The following AHDC1 variants were observed in gnomAD, a reference collection of about 807,000 sequenced individuals.
AHDC1 encodes the protein AT-hook DNA binding motif containing 1, also known as transcription factor Gibbin.
In AHDC1, 7 loss-of-function variants were observed where a neutral mutation model predicts 87.9. That is an observed-to-expected ratio of 0.08 (90% confidence interval 0.05 to 0.15). The LOEUF is 0.15. Among genes scored for constraint, AHDC1 ranks in the 10% least tolerant of loss-of-function variants. AHDC1 has a pLI of 1.00. For missense variants in AHDC1, 1,841 were observed against 2,253.2 expected (o/e 0.82, Z 3.70); for synonymous variants, 1,051 against 1,006.8 (o/e 1.04, Z -0.83).
At chr1:27,552,416 T>TC in intron 7 of AHDC1, 1 of 326,578 alleles carries the variant, frequency 3.1e-6, no homozygotes, top group South Asian at 1.5e-4. Context: ...TTTTTTTTTT[T>TC]GGAAGAGAGT....
At chr1:27,553,806 C>G (rs1362059585) in intron 5 of AHDC1, among the ~76,000 whole-genome samples, 4 of 152,218 alleles carry the variant, frequency 2.6e-5, no homozygotes, top group Admixed American at 6.5e-5. Flanking sequence ...GGGCTCACAC[C>G]TGTAATCCCA....
rs1441682222 is a variant in AHDC1, at chr1:27,562,371, T to C, written c.-628-3488A>G. On this transcript the variant is annotated intron_variant, in intron 3 of 8. Transcript: ENST00000673934. The surrounding 1 kb of genome is among the most constrained non-coding windows in gnomAD (Gnocchi z 4.4). The stretch of plus-strand genomic sequence containing the variant: ...CCTGAGCTCCCGGCCCGCGCAGAGC[T>C]GCCCCGATTAATCCTGTGGCTCCAG... 6.6e-6 allele frequency among the ~76,000 whole-genome samples: 1 copy of C among 152,146 alleles called. No homozygotes were observed.
At chr1:27,581,227 C>A (rs2088899106) in intron 3 of AHDC1, among the ~76,000 whole-genome samples, 1 of 151,836 alleles carries the variant, frequency 6.6e-6, no homozygotes, top group African/African-American at 2.4e-5. Context: ...CCTCCTGGGC[C>A]CAAGCAATCC....
At chr1:27,535,688 C>T (rs947297717) in intron 8 of AHDC1, among the ~76,000 whole-genome samples, 2 of 152,308 alleles carry the variant, frequency 1.3e-5, no homozygotes. Context: ...ACAATGCCAT[C>T]TGTGTTTGGC....
In AHDC1 at chr1:27,595,813, G is replaced by A. The variant is rs2089354790; in HGVS notation, c.-629+7584C>T. 6.6e-6 allele frequency among the ~76,000 whole-genome samples: 1 copy of A among 151,902 alleles called. No homozygotes were observed. Among genetic ancestry groups the A allele is most frequent in the Admixed American group, 6.6e-5 (1 of 15,262 alleles). On this transcript the variant is annotated intron_variant, in intron 3 of 8. Transcript: ENST00000673934. The surrounding 1 kb of genome is among the most constrained non-coding windows in gnomAD (Gnocchi z 4.0). ...TTCCTGGTGTCAGGGAGGTGTTGCA[G>A]GTTGTGGGTAAGCATGTGGTGGTTG...
At position 27,595,301 on chromosome 1, in the gene AHDC1, G is replaced by A. The variant is rs1186223394; in HGVS notation, c.-629+8096C>T. On this transcript the variant is annotated intron_variant, in intron 3 of 8. Coordinates refer to ENST00000673934, the MANE Select transcript of AHDC1 (RefSeq NM_001371928.1). This position sits in a 1 kb window ranked among gnomAD's most constrained non-coding sequence, Gnocchi z 4.0. The stretch of plus-strand genomic sequence containing the variant: ...GAGCTATAGCTGGGAGAAACGTTGG[G>A]GGCTGTGGGCAGAGTGTGTGTGTCT... Among the ~76,000 whole-genome samples the A allele has an allele frequency of 6.6e-6, 1 of 151,950 alleles. No individual in the cohort carries two copies. The highest frequency in any genetic ancestry group is 2.1e-4 in the South Asian group (1 of 4,822).
intron 8 of AHDC1, among the ~76,000 whole-genome samples, chr1:27,541,790 C>T (rs543577088): frequency 6.6e-5 from 10 of 150,914 alleles, no homozygotes; most frequent in South Asian, 4.2e-4. Context: ...CCATCATGCC[C>T]GGCTAATTTT....
intron 3 of AHDC1, among the ~76,000 whole-genome samples, chr1:27,566,294 G>GGGAGGGGGCGAGAGCC (rs1553162200): frequency 6.6e-6 from 1 of 152,138 alleles, no homozygotes. Flanking sequence ...AAGATCTGGA[G>GGGAGGGGGCGAGAGCC]GGAGGGGGCG....
At chr1:27,572,667 A>C (rs1176122927) in intron 3 of AHDC1, among the ~76,000 whole-genome samples, 1 of 152,166 alleles carries the variant, frequency 6.6e-6, no homozygotes, top group Admixed American at 6.5e-5. Flanking sequence ...TGCAGGCAAA[A>C]CCACGCAGTG....
intron 5 of AHDC1, among the ~76,000 whole-genome samples, chr1:27,554,054 G>A (rs2019694511): frequency 6.6e-6 from 1 of 152,182 alleles, no homozygotes; most frequent in South Asian, 2.1e-4. Flanking sequence ...GGGCAGCAGA[G>A]TGAGATCCTT....
At position 27,581,712 on chromosome 1, in the gene AHDC1, A is replaced by C. The variant is rs193118623; in HGVS notation, c.-629+21685T>G. Among the ~76,000 whole-genome samples the C allele has an allele frequency of 2.2e-3, 332 of 152,222 alleles. 3 individuals carry two copies. The highest frequency in any genetic ancestry group is 2.9e-3 in the South Asian group (14 of 4,810). ...GCTAGCTACATCTTCCTCAAATCCC[A>C]TTCTCATGACTCTGCGTGTCTGCCC... On this transcript the variant is annotated intron_variant, in intron 3 of 8. Transcript: ENST00000673934.
At chr1:27,552,832 AG>A (rs1285683667) in intron 7 of AHDC1, 59 bp downstream of exon 7, 4 of 152,718 alleles carry the variant, frequency 2.6e-5, no homozygotes, top group Admixed American at 2.6e-4. Flanking sequence ...AGTTCTAACA[AG>A]GGCACGGCCT....
chr1:27,569,818 C>A (rs572248199), intron 3 of AHDC1, among the ~76,000 whole-genome samples: 1 of 152,202 alleles, frequency 6.6e-6, no homozygotes, highest in Non-Finnish European at 1.5e-5. Context: ...ACCCGACAGG[C>A]CTGGACCCTC....
At chr1:27,543,186 T>A (rs1225969707) in intron 8 of AHDC1, among the ~76,000 whole-genome samples, 1 of 152,204 alleles carries the variant, frequency 6.6e-6, no homozygotes, top group Non-Finnish European at 1.5e-5. Context: ...AGGTCAGGCC[T>A]GAGAGGGAGT....
At chr1:27,601,389 G>A (rs1471065206) in intron 3 of AHDC1, among the ~76,000 whole-genome samples, 1 of 152,216 alleles carries the variant, frequency 6.6e-6, no homozygotes, top group African/African-American at 2.4e-5. Flanking sequence ...GGCAATGCCT[G>A]CCCACCTGGG....
intron 3 of AHDC1, among the ~76,000 whole-genome samples, chr1:27,569,022 G>C (rs959073023): frequency 1.3e-5 from 2 of 151,916 alleles, no homozygotes; most frequent in Admixed American, 1.3e-4. Flanking sequence ...CGTAAGAAGA[G>C]CCCTGCCCTG....
At chr1:27,588,604 G>A (rs1336281833) in intron 3 of AHDC1, among the ~76,000 whole-genome samples, 2 of 152,196 alleles carry the variant, frequency 1.3e-5, no homozygotes, top group Admixed American at 1.3e-4. Flanking sequence ...CACACTCTTG[G>A]CAGAGAGAGT....
Position 27,549,236 on chromosome 1 carries a change from G to T in AHDC1, c.2880C>A (p.Thr960=). The part of the protein sequence containing the change: ...PPSAMARSPT[T]HPPANTYLPQ... The stretch of plus-strand genomic sequence containing the variant: ...GCAGGTAGGTGTTGGCAGGCGGGTG[G>T]GTGGTAGGTGAGCGGGCCATGGCTG... The change falls in exon 8 of 9, where the codon ACC becomes ACA. Residue 960 remains threonine (T), a synonymous_variant. Transcript: ENST00000673934. The T allele has an allele frequency of 6.2e-7, 1 of 1,604,776 alleles. No homozygotes were observed. Among genetic ancestry groups the T allele is most frequent in the Non-Finnish European group, 8.5e-7 (1 of 1,174,870 alleles).
rs572106003 is a variant in AHDC1 at position 27,568,627 on chromosome 1, G to C, written c.-628-9744C>G. On this transcript the variant is annotated intron_variant, in intron 3 of 8. Coordinates refer to ENST00000673934, the MANE Select transcript of AHDC1 (RefSeq NM_001371928.1). Reference sequence around the variant, plus strand: ...CGGGCCGGGCTCCCGGAGATTGGTAGCACCTGGAGTGATGTCGCTAGGGGC... The same window carrying C: ...CGGGCCGGGCTCCCGGAGATTGGTACCACCTGGAGTGATGTCGCTAGGGGC... Among the ~76,000 whole-genome samples, 112 of 152,232 alleles carry C rather than the reference G, an allele frequency of 7.4e-4. 2 individuals are homozygous for C. The South Asian group carries it at 0.01, about 14-fold the overall frequency.
Sources: allele counts gnomAD v4.1 joint callset (sites outside exome capture counted in the v4.1 genomes callset), GRCh38; gene constraint gnomAD v4.1.1; non-coding constraint Gnocchi (gnomAD v3.1); transcripts MANE v1.5; gene names NCBI Gene and HGNC (gene_info 2026-07-23, HGNC 2026-07-21).